The following ITPR2 variants were observed in gnomAD, a reference collection of about 807,000 sequenced individuals.
ITPR2 encodes inositol 1,4,5-trisphosphate receptor type 2.
A neutral mutation model predicts 317.1 loss-of-function variants in ITPR2; 207 were observed. The ratio of observed to expected loss-of-function variants is 0.65; its 90% CI spans 0.58 to 0.73. The LOEUF is 0.73. ITPR2 is among the 30% of genes least tolerant of loss of function. The pLI is 0.00. For synonymous variants in ITPR2, 1,156 were observed against 1,149.1 expected (o/e 1.01, Z -0.12); for missense variants, 2,613 against 3,284.0 (o/e 0.80, Z 4.99).
intron 55 of ITPR2, among the ~76,000 whole-genome samples, chr12:26,360,922 C>T (rs1938807328): frequency 6.6e-6 from 1 of 151,772 alleles, no homozygotes; most frequent in African/African-American, 2.4e-5. Context: ...GAACTAACAA[C>T]AATGTTAGCA....
At chr12:26,736,224 C>T (rs987967770) in intron 2 of ITPR2, among the ~76,000 whole-genome samples, 35 of 152,118 alleles carry the variant, frequency 2.3e-4, no homozygotes, top group Non-Finnish European at 3.8e-4. Flanking sequence ...CAGTTGACTC[C>T]TGCTGCCTGA....
chr12:26,832,476 T>C (rs976706442), intron 1 of ITPR2, among the ~76,000 whole-genome samples: 1 of 152,250 alleles, frequency 6.6e-6, no homozygotes, highest in African/African-American at 2.4e-5. Context: ...GAGCTTGAGA[T>C]TACGAAGTTG....
chr12:26,690,216 T>C (rs372601850), intron 10 of ITPR2, among the ~76,000 whole-genome samples: 56 of 152,290 alleles, frequency 3.7e-4, no homozygotes, highest in African/African-American at 1.3e-3. Context: ...AACATAATAT[T>C]AACTAAGGAA....
chr12:26,811,887 G>T (rs1224078799), intron 1 of ITPR2, among the ~76,000 whole-genome samples: 4 of 147,794 alleles, frequency 2.7e-5, no homozygotes, highest in African/African-American at 1.0e-4. Flanking sequence ...TCTAGGGCCG[G>T]GCGTGGTGGC....
Position 26,596,888 on chromosome 12 carries a change from G to GTC in ITPR2, c.4248_4249insGA (p.Pro1417AspfsTer9). 1 of 1,532,180 alleles carries GTC rather than the reference G, an allele frequency of 6.5e-7. No individual in the cohort carries two copies. Among genetic ancestry groups the GTC allele is most frequent in the South Asian group, 1.3e-5 (1 of 76,658 alleles). 94.9% of individuals were successfully genotyped at this position (1,532,180 alleles called of 1,614,324 possible). On this transcript the variant is annotated frameshift_variant, in exon 31 of 57. Coordinates refer to ENST00000381340, the MANE Select transcript of ITPR2 (RefSeq NM_002223.4). LOFTEE classifies it high-confidence loss of function. ...TAAGCTTTTGCCAGGCTTACCTCAG[G>GTC]GATGCAGTCGTCATGGGTCACCACC...
chr12:26,435,851 G>A lies in ITPR2; in HGVS notation c.6769+370C>T, dbSNP rs138687730. Among the ~76,000 whole-genome samples the A allele has an allele frequency of 2.6e-3, 402 of 152,132 alleles. 14 individuals carry two copies. In the East Asian group the frequency reaches 0.067, roughly 25 times the overall value. On this transcript the variant is annotated intron_variant, in intron 48 of 56. Coordinates refer to ENST00000381340, the MANE Select transcript of ITPR2 (RefSeq NM_002223.4). Reference sequence around the variant, plus strand: ...CCTTAGACAAGACAGAAAACAAAGAGAGTAAAATATAAACGCCAGTATTTA... The same window carrying A: ...CCTTAGACAAGACAGAAAACAAAGAAAGTAAAATATAAACGCCAGTATTTA...
chr12:26,791,222 T>C (rs1369316756), intron 1 of ITPR2, among the ~76,000 whole-genome samples: 1 of 152,200 alleles, frequency 6.6e-6, no homozygotes, highest in African/African-American at 2.4e-5. Context: ...GAAAGATCTC[T>C]TAATACCAGA....
At chr12:26,596,715 G>A (rs1945856445) in intron 31 of ITPR2, among the ~76,000 whole-genome samples, 168 bp downstream of exon 31, 1 of 149,496 alleles carries the variant, frequency 6.7e-6, no homozygotes, top group South Asian at 2.1e-4. Flanking sequence ...TTAAAAAGTA[G>A]ACCTTCTATG....
intron 50 of ITPR2, among the ~76,000 whole-genome samples, chr12:26,417,685 T>C (rs564583505): frequency 6.6e-6 from 1 of 152,314 alleles, no homozygotes; most frequent in African/African-American, 2.4e-5. Context: ...CTTTTGTTTA[T>C]AAATTACTCA....
chr12:26,411,718 C>A (rs924704396), intron 51 of ITPR2, among the ~76,000 whole-genome samples: 2 of 152,156 alleles, frequency 1.3e-5, no homozygotes, highest in African/African-American at 4.8e-5. Flanking sequence ...CATGGGCAAA[C>A]TCATTCAGGG....
chr12:26,769,644 T>C (rs1949803763), intron 2 of ITPR2, among the ~76,000 whole-genome samples: 1 of 152,116 alleles, frequency 6.6e-6, no homozygotes. Context: ...AGAAGCACAA[T>C]ATTAATGCAC....
At chr12:26,578,265 C>T (rs1313803716) in intron 34 of ITPR2, among the ~76,000 whole-genome samples, 5 of 152,122 alleles carry the variant, frequency 3.3e-5, no homozygotes, top group East Asian at 1.9e-4. Flanking sequence ...CTTCCTTTAG[C>T]TGTAATTCCC....
At position 26,561,778 on chromosome 12, in the gene ITPR2, A is replaced by G; in HGVS notation, c.4805T>C (p.Ile1602Thr). The change falls in exon 35 of 57, where the codon ATT becomes ACT. Residue 1602 changes from isoleucine to threonine, a missense_variant. Physicochemically the swap from Ile to Thr is moderately conservative, Grantham distance 89 (BLOSUM62 -1). This residue lies in a region of ITPR2 where 926 missense variants were observed against 1,072.8 expected (regional missense o/e 0.86). Coordinates refer to ENST00000381340, the MANE Select transcript of ITPR2 (RefSeq NM_002223.4). ...LGGPAWDYRN[I>T]IEKLQDVVAS... ...TTCATGTACCTGTAACTTTTCAATAATATTTCTGTAATCCCAAGCAGGCCC... is the reference window on the plus strand; with the variant it reads ...TTCATGTACCTGTAACTTTTCAATAGTATTTCTGTAATCCCAAGCAGGCCC... 2.5e-6 allele frequency: 4 copies of G among 1,573,568 alleles called. No homozygotes were observed. In the South Asian group the frequency reaches 4.9e-5, roughly 19 times the overall value.
chr12:26,475,707 T>C (rs1232565072), intron 44 of ITPR2, among the ~76,000 whole-genome samples: 1 of 152,190 alleles, frequency 6.6e-6, no homozygotes, highest in Non-Finnish European at 1.5e-5. Flanking sequence ...ATTTACTAAG[T>C]GCCCACTAAG....
intron 48 of ITPR2, among the ~76,000 whole-genome samples, chr12:26,432,950 T>C (rs1565523658): frequency 6.6e-6 from 1 of 152,296 alleles, no homozygotes; most frequent in East Asian, 1.9e-4. Context: ...TTCAGCCTGT[T>C]TGACCAAATC....
intron 44 of ITPR2, among the ~76,000 whole-genome samples, chr12:26,476,035 T>C (rs1477661997): frequency 2.0e-5 from 3 of 152,222 alleles, no homozygotes; most frequent in Non-Finnish European, 2.9e-5. Flanking sequence ...AAATATATGA[T>C]TCACTGCCAC....
chr12:26,346,177 C>T lies in ITPR2; in HGVS notation c.7858-5849G>A, dbSNP rs528988282. ...ATGAACCATCATGTCCCTGAGAAGT[C>T]CCTTTAGGGCTCACACACCATGTCA... On this transcript the variant is annotated intron_variant, in intron 55 of 56. Coordinates refer to ENST00000381340, the MANE Select transcript of ITPR2 (RefSeq NM_002223.4). 7.9e-5 allele frequency among the ~76,000 whole-genome samples: 12 copies of T among 152,302 alleles called. No individual in the cohort carries two copies. The South Asian group carries it at 2.5e-3, about 32-fold the overall frequency.
chr12:26,484,869 G>A (rs1471009874), intron 41 of ITPR2, among the ~76,000 whole-genome samples: 5 of 152,034 alleles, frequency 3.3e-5, no homozygotes, highest in South Asian at 2.1e-4. Flanking sequence ...CAGCCACCAC[G>A]CCCAGCTAAT....
chr12:26,648,011 C>T (rs542471054), intron 21 of ITPR2, among the ~76,000 whole-genome samples: 8 of 152,190 alleles, frequency 5.3e-5, no homozygotes, highest in South Asian at 2.1e-4. Flanking sequence ...GGAAGCTAGA[C>T]GCAGACCCCC....
Sources: gnomAD v4.1 joint callset for allele counts (sites outside exome capture counted in the v4.1 genomes callset) on GRCh38, gnomAD v4.1.1 for gene constraint, gnomAD v4.1.1 regional missense constraint, MANE v1.5 for transcripts, NCBI Gene and HGNC (gene_info 2026-07-23, HGNC 2026-07-21) for gene names.